STAT1: variants seen among roughly 807,000 people sequenced by gnomAD.
STAT1 encodes the protein signal transducer and activator of transcription 1-alpha/beta.
Under a neutral mutation model 111.7 loss-of-function variants are expected in STAT1, and 24 were observed. That is an observed-to-expected ratio of 0.21 (90% CI 0.16 to 0.30). STAT1 has a LOEUF of 0.30. Ranked by LOEUF, STAT1 falls within the 10% of genes least tolerant of loss-of-function variation. STAT1 has a pLI of 1.00. For missense variants in STAT1, 351 were observed against 911.9 expected, an observed-to-expected ratio of 0.38 and a Z score of 7.92; for synonymous variants, 332 against 326.5, an observed-to-expected ratio of 1.02 and a Z score of -0.18.
chr2:190,995,272 C>T lies in STAT1; in HGVS notation c.786-53G>A. The T allele has an allele frequency of 6.3e-7, 1 of 1,580,940 alleles. No homozygotes were observed. The highest frequency in any genetic ancestry group is 1.1e-5 in the South Asian group (1 of 90,438). ...CTATGAGAAACAGTCCAGAAGCAGCCTGGATTAAAGGGAATCATGGTATAT... is the reference window on the plus strand; with the variant it reads ...CTATGAGAAACAGTCCAGAAGCAGCTTGGATTAAAGGGAATCATGGTATAT... On this transcript the variant is annotated intron_variant, in intron 9 of 24. Transcript: ENST00000361099. The surrounding 1 kb of genome is among the most constrained non-coding windows in gnomAD (Gnocchi z 4.2).
In STAT1 at chr2:190,982,776, G is replaced by A. The variant is rs143161327; in HGVS notation, c.1447-258C>T. ...TTTGGGGTCATTTGAAGACACACCCGTGCACACACAGCAGCACACAGCAGC... is the reference window on the plus strand; with the variant it reads ...TTTGGGGTCATTTGAAGACACACCCATGCACACACAGCAGCACACAGCAGC... On this transcript the variant is annotated intron_variant, in intron 17 of 24. Coordinates refer to ENST00000361099, the MANE Select transcript of STAT1 (RefSeq NM_007315.4). This position sits in a 1 kb window ranked among gnomAD's most constrained non-coding sequence, Gnocchi z 7.3. Among the ~76,000 whole-genome samples the A allele has an allele frequency of 3.9e-5, 6 of 152,122 alleles. No homozygotes were observed. The highest frequency in any genetic ancestry group is 1.2e-4 in the African/African-American group (5 of 41,412).
rs545174779 is a variant in STAT1 at position 190,990,120 on chromosome 2, G to A, written c.1038-446C>T. ...ATTGCCCATAAGCAGAAAAAATAGC[G>A]TCCCATCTATAGTCACCCCAGGGTA... is the stretch of plus-strand genomic sequence containing the variant. On this transcript the variant is annotated intron_variant, in intron 11 of 24. Coordinates refer to ENST00000361099, the MANE Select transcript of STAT1 (RefSeq NM_007315.4). The surrounding 1 kb of genome is among the most constrained non-coding windows in gnomAD (Gnocchi z 5.1). Among the ~76,000 whole-genome samples, 5 of 152,248 alleles carry A rather than the reference G, an allele frequency of 3.3e-5. No homozygotes were observed. Among genetic ancestry groups the A allele is most frequent in the South Asian group, 2.1e-4 (1 of 4,822 alleles).
intron 6 of STAT1, 44 bp downstream of exon 6, chr2:191,001,030 A>T: frequency 6.7e-7 from 1 of 1,489,022 alleles, no homozygotes; most frequent in Non-Finnish European, 9.4e-7. Context: ...TTTTTCCCCT[A>T]CAGAAAGTTT....
Position 190,970,569 on chromosome 2 carries a change from A to G in STAT1, c.*134T>C. 1.0e-6 allele frequency: 1 copy of G among 958,970 alleles called. No homozygotes were observed. The highest frequency in any genetic ancestry group is 1.7e-6 in the Non-Finnish European group (1 of 600,266). 59.4% of individuals were successfully genotyped at this position (958,970 alleles called of 1,614,324 possible). A position where few individuals can be genotyped will look rare whatever the true frequency, so the allele number is the denominator to read the frequency against. On this transcript the variant is annotated 3_prime_UTR_variant, in exon 25 of 25. Transcript: ENST00000361099. This position sits in a 1 kb window ranked among gnomAD's most constrained non-coding sequence, Gnocchi z 5.4. ...GTTAGAGAAAAATTCACTTGCTATC[A>G]ACAGGTTGCAGCGAATTTGCTGGCC...
rs1692687170 is a variant in STAT1 at position 190,984,956 on chromosome 2, A to G, written c.1264-563T>C. ...GGAGGTCAAAACATAGTTCAGGCGCACACCAGGGCTAGAAGGCATCTTTGC... is the reference window on the plus strand; with the variant it reads ...GGAGGTCAAAACATAGTTCAGGCGCGCACCAGGGCTAGAAGGCATCTTTGC... On this transcript the variant is annotated intron_variant, in intron 15 of 24. Coordinates refer to ENST00000361099, the MANE Select transcript of STAT1 (RefSeq NM_007315.4). The surrounding 1 kb of genome is among the most constrained non-coding windows in gnomAD (Gnocchi z 5.2). Among the ~76,000 whole-genome samples the G allele has an allele frequency of 6.6e-6, 1 of 152,198 alleles. No homozygotes were observed. The highest frequency in any genetic ancestry group is 1.5e-5 in the Non-Finnish European group (1 of 68,036).
At position 190,976,785 on chromosome 2, in the gene STAT1, C is replaced by T; in HGVS notation, c.2059+55G>A. The T allele has an allele frequency of 6.8e-7, 1 of 1,467,748 alleles. No homozygotes were observed. The highest frequency in any genetic ancestry group is 9.5e-7 in the Non-Finnish European group (1 of 1,047,208). 90.9% of individuals were successfully genotyped at this position (1,467,748 alleles called of 1,614,324 possible). Reference sequence around the variant, plus strand: ...CATGGGTGGAGTTTCAGAATAATCACCCCCTCATCAGGAAAGACTGTGCCA... The same window carrying T: ...CATGGGTGGAGTTTCAGAATAATCATCCCCTCATCAGGAAAGACTGTGCCA... On this transcript the variant is annotated intron_variant, in intron 22 of 24. Coordinates refer to ENST00000361099, the MANE Select transcript of STAT1 (RefSeq NM_007315.4). This position sits in a 1 kb window ranked among gnomAD's most constrained non-coding sequence, Gnocchi z 6.0.
In STAT1 at chr2:191,001,481, C is replaced by T. The variant is rs184729838; in HGVS notation, c.373-318G>A. 1.8e-4 allele frequency among the ~76,000 whole-genome samples: 28 copies of T among 152,304 alleles called. No individual in the cohort carries two copies. The East Asian group carries it at 5.2e-3, about 28-fold the overall frequency. ...TTCTCAGATACTATACACAAGATTA[C>T]TCTCATTAACTCAGTCCTTATTTAT... On this transcript the variant is annotated intron_variant, in intron 5 of 24. Transcript: ENST00000361099.
At chr2:190,992,956 AT>A in intron 10 of STAT1, 1 of 243,718 alleles carries the variant, frequency 4.1e-6, no homozygotes. Flanking sequence ...TGCCTGGCTA[AT>A]TTTTGTATTT....
chr2:191,007,694 A>G lies in STAT1; in HGVS notation c.274-33T>C, dbSNP rs1230099576. ...TGAGTGGTTAGAACAAAAATAAATT[A>G]AAATGCAGAATGTTTACTTTATTGT... On this transcript the variant is annotated intron_variant, in intron 4 of 24. Transcript: ENST00000361099. This position sits in a 1 kb window ranked among gnomAD's most constrained non-coding sequence, Gnocchi z 4.2. 5.5e-6 allele frequency: 8 copies of G among 1,453,452 alleles called. No homozygotes were observed. Among genetic ancestry groups the G allele is most frequent in the Admixed American group, 1.7e-5 (1 of 59,768 alleles). The allele number at this position is 1,453,452 out of a possible 1,614,324, so 90.0% of individuals were successfully genotyped here.
At chr2:190,985,072 G>A (rs997150205) in intron 15 of STAT1, among the ~76,000 whole-genome samples, 3 of 152,204 alleles carry the variant, frequency 2.0e-5, no homozygotes, top group Non-Finnish European at 2.9e-5. Flanking sequence ...CATAAATGAC[G>A]AAAGTGTTCT....
At position 190,996,422 on chromosome 2, in the gene STAT1, C is replaced by T. The variant is rs1164244731; in HGVS notation, c.786-1203G>A. 7.2e-5 allele frequency among the ~76,000 whole-genome samples: 11 copies of T among 152,182 alleles called. No homozygotes were observed. The highest frequency in any genetic ancestry group is 1.5e-4 in the Non-Finnish European group (10 of 68,036). ...AGGATAACGGCTGGCTGAGTTCCAG[C>T]GGAGAAGCTAAACCAGTGTCCCCAA... is the stretch of plus-strand genomic sequence containing the variant. On this transcript the variant is annotated intron_variant, in intron 9 of 24. Coordinates refer to ENST00000361099, the MANE Select transcript of STAT1 (RefSeq NM_007315.4). This position sits in a 1 kb window ranked among gnomAD's most constrained non-coding sequence, Gnocchi z 4.5.
rs1669547443 is a variant in STAT1, at chr2:190,970,635, G to A, written c.*68C>T. 1 of 1,531,802 alleles carries A rather than the reference G, an allele frequency of 6.5e-7. No individual in the cohort carries two copies. Among genetic ancestry groups the A allele is most frequent in the Non-Finnish European group, 9.0e-7 (1 of 1,106,130 alleles). The allele number at this position is 1,531,802 out of a possible 1,614,324, so 94.9% of individuals were successfully genotyped here. A position where few individuals can be genotyped will look rare whatever the true frequency, so the allele number is the denominator to read the frequency against. On this transcript the variant is annotated 3_prime_UTR_variant, in exon 25 of 25. Coordinates refer to ENST00000361099, the MANE Select transcript of STAT1 (RefSeq NM_007315.4). This position sits in a 1 kb window ranked among gnomAD's most constrained non-coding sequence, Gnocchi z 5.4. Reference sequence around the variant, plus strand: ...TAGAAACACAGGATGTGAAGGAACAGAGTAGCAGGAGGGAATCACAGATGA... The same window carrying A: ...TAGAAACACAGGATGTGAAGGAACAAAGTAGCAGGAGGGAATCACAGATGA...
chr2:190,993,370 G>T lies in STAT1; in HGVS notation c.944+1691C>A. The T allele has an allele frequency of 8.5e-7, 1 of 1,182,346 alleles. No individual in the cohort carries two copies. The highest frequency in any genetic ancestry group is 1.2e-6 in the Non-Finnish European group (1 of 810,356). The allele number at this position is 1,182,346 out of a possible 1,614,324, so 73.2% of individuals were successfully genotyped here. On this transcript the variant is annotated intron_variant, in intron 10 of 24. Transcript: ENST00000361099. The surrounding 1 kb of genome is among the most constrained non-coding windows in gnomAD (Gnocchi z 4.1). ...TTCGAAACCTTTCCTGTTCTGCTGTGTTCCATATTTGAAGCTTGATTGTTT... is the reference window on the plus strand; with the variant it reads ...TTCGAAACCTTTCCTGTTCTGCTGTTTTCCATATTTGAAGCTTGATTGTTT...
At chr2:191,001,266 A>C (rs748243023) in intron 5 of STAT1, 103 bp from the exon 6 acceptor site, 35 of 863,898 alleles carry the variant, frequency 4.1e-5, no homozygotes, top group Non-Finnish European at 6.5e-5. Flanking sequence ...AGATCTTCTG[A>C]CATGTACTAC....
In STAT1 at chr2:190,973,940, G is replaced by C. The variant is rs995219037; in HGVS notation, c.2238+890C>G. ...TGAAGAGTGACGCCCTCTCATTCTC[G>C]CTCACCTTTCCCCTCCCTGCCTTCC... On this transcript the variant is annotated intron_variant, in intron 24 of 24. Transcript: ENST00000361099. The surrounding 1 kb of genome is among the most constrained non-coding windows in gnomAD (Gnocchi z 4.4). 2.0e-5 allele frequency among the ~76,000 whole-genome samples: 3 copies of C among 152,056 alleles called. No individual in the cohort carries two copies. The highest frequency in any genetic ancestry group is 4.4e-5 in the Non-Finnish European group (3 of 68,022).
chr2:191,010,113 A>G, intron 2 of STAT1, 109 bp from the exon 3 acceptor site: 4 of 1,272,174 alleles, frequency 3.1e-6, no homozygotes, highest in Non-Finnish European at 4.4e-6. Flanking sequence ...TTAATCCAAA[A>G]CATAGTTTGT....
chr2:190,990,945 A>G lies in STAT1; in HGVS notation c.1037+283T>C, dbSNP rs543390144. ...CAGCCAGGAACTTTTACTCTCTATT[A>G]CACACATTTCTGCAATTTGGAATTC... On this transcript the variant is annotated intron_variant, in intron 11 of 24. Transcript: ENST00000361099. This position sits in a 1 kb window ranked among gnomAD's most constrained non-coding sequence, Gnocchi z 5.1. 6.6e-6 allele frequency among the ~76,000 whole-genome samples: 1 copy of G among 152,294 alleles called. No individual in the cohort carries two copies. Among genetic ancestry groups the G allele is most frequent in the South Asian group, 2.1e-4 (1 of 4,818 alleles).
rs1692657712 is a variant in STAT1 at position 190,984,729 on chromosome 2, G to T, written c.1264-336C>A. On this transcript the variant is annotated intron_variant, in intron 15 of 24. Transcript: ENST00000361099. The surrounding 1 kb of genome is among the most constrained non-coding windows in gnomAD (Gnocchi z 5.2). ...GCTGCACATCTCAATGCAGATGGGT[G>T]GGGAGAAGGTGAGAGGACTGGGAGT... Among the ~76,000 whole-genome samples the T allele has an allele frequency of 6.6e-6, 1 of 152,222 alleles. No homozygotes were observed. Among genetic ancestry groups the T allele is most frequent in the Admixed American group, 6.5e-5 (1 of 15,292 alleles).
chr2:191,003,044 T>C lies in STAT1; in HGVS notation c.373-1881A>G, dbSNP rs1574666378. Reference sequence around the variant, plus strand: ...TTTAATTCTGATCCCTAATATCTTATTGAGGACTTTTATATTGATACTCAT... The same window carrying C: ...TTTAATTCTGATCCCTAATATCTTACTGAGGACTTTTATATTGATACTCAT... On this transcript the variant is annotated intron_variant, in intron 5 of 24. Coordinates refer to ENST00000361099, the MANE Select transcript of STAT1 (RefSeq NM_007315.4). The surrounding 1 kb of genome is among the most constrained non-coding windows in gnomAD (Gnocchi z 4.0). Among the ~76,000 whole-genome samples the C allele has an allele frequency of 6.6e-6, 1 of 152,336 alleles. No individual in the cohort carries two copies. Among genetic ancestry groups the C allele is most frequent in the African/African-American group, 2.4e-5 (1 of 41,584 alleles).
Sources: allele counts gnomAD v4.1 joint callset (sites outside exome capture counted in the v4.1 genomes callset), GRCh38; gene constraint gnomAD v4.1.1; non-coding constraint Gnocchi (gnomAD v3.1); transcripts MANE v1.5; gene names NCBI Gene and HGNC (gene_info 2026-07-23, HGNC 2026-07-21).